The following NR4A3 variants were observed in gnomAD, a reference collection of about 807,000 sequenced individuals.
The protein encoded by NR4A3 is chondrosarcoma, extraskeletal myxoid, fused to EWS.
In NR4A3, 13 loss-of-function variants were observed where a neutral mutation model predicts 55.6. That is an observed-to-expected ratio of 0.23 (90% CI 0.15 to 0.37). The LOEUF (loss-of-function observed/expected upper bound fraction) is 0.37. NR4A3 is among the 10% of genes least tolerant of loss of function. The probability of loss-of-function intolerance (pLI) is 1.00; values close to 1 mark genes in which losing one functional copy is unlikely to be tolerated. For synonymous variants in NR4A3, 342 were observed against 357.9 expected (o/e 0.96, Z 0.50); for missense variants, 646 against 822.8 (o/e 0.79, Z 2.63).
At chr9:99,860,007 G>A (rs1175025260) in intron 7 of NR4A3, among the ~76,000 whole-genome samples, 2 of 152,108 alleles carry the variant, frequency 1.3e-5, no homozygotes, top group Admixed American at 6.5e-5. Context: ...CACAAAGGAC[G>A]AAATCCATCT....
intron 7 of NR4A3, among the ~76,000 whole-genome samples, chr9:99,848,592 G>A (rs369427455): frequency 1.4e-3 from 217 of 152,276 alleles, no homozygotes; most frequent in African/African-American, 4.7e-3. Context: ...TGATCTACCC[G>A]CCTTGGCACC....
Position 99,834,572 on chromosome 9 carries a change from G to A in NR4A3, c.1254+1118G>A, listed in dbSNP as rs559817378. Among the ~76,000 whole-genome samples the A allele has an allele frequency of 2.0e-4, 30 of 152,218 alleles. No individual in the cohort carries two copies. The South Asian group carries it at 2.1e-3, about 11-fold the overall frequency. ...AATACCAGTCCAGAGGCCCCCAGTCGGTTGATCTGTCTTGGTGGCTACTAC... is the reference window on the plus strand; with the variant it reads ...AATACCAGTCCAGAGGCCCCCAGTCAGTTGATCTGTCTTGGTGGCTACTAC... On this transcript the variant is annotated intron_variant, in intron 5 of 7. Transcript: ENST00000395097.
intron 1 of NR4A3, among the ~76,000 whole-genome samples, chr9:99,823,052 T>C (rs1202145944): frequency 6.6e-6 from 1 of 152,212 alleles, no homozygotes; most frequent in East Asian, 1.9e-4. Flanking sequence ...CTGCCTGTCG[T>C]CGCTGACATG....
chr9:99,831,184 T>C (rs1406632540), intron 3 of NR4A3, among the ~76,000 whole-genome samples: 1 of 152,224 alleles, frequency 6.6e-6, no homozygotes, highest in Non-Finnish European at 1.5e-5. Context: ...GGAAAATGTA[T>C]ACCTGAAGCA....
chr9:99,844,533 G>C, intron 5 of NR4A3, 116 bp from the exon 6 acceptor site: 1 of 754,182 alleles, frequency 1.3e-6, no homozygotes, highest in Non-Finnish European at 2.2e-6. Context: ...TTTATAAACT[G>C]TAACACCTAA....
chr9:99,829,916 T>G (rs964567347), intron 3 of NR4A3, among the ~76,000 whole-genome samples: 2 of 152,212 alleles, frequency 1.3e-5, no homozygotes, highest in African/African-American at 4.8e-5. Flanking sequence ...TAACTGCCCA[T>G]GAGATGTTTC....
intron 7 of NR4A3, among the ~76,000 whole-genome samples, chr9:99,857,204 C>G (rs1447595455): frequency 6.6e-6 from 1 of 151,894 alleles, no homozygotes; most frequent in Non-Finnish European, 1.5e-5. Context: ...AATATGATGG[C>G]TCGGGGGGAA....
intron 2 of NR4A3, chr9:99,826,764 C>T: frequency 1.2e-6 from 2 of 1,613,740 alleles, no homozygotes; most frequent in Non-Finnish European, 1.7e-6. Flanking sequence ...AAGATTTCAT[C>T]CCATACATGC....
chr9:99,840,394 T>G (rs1827632194), intron 5 of NR4A3, among the ~76,000 whole-genome samples: 1 of 152,134 alleles, frequency 6.6e-6, no homozygotes, highest in South Asian at 2.1e-4. Flanking sequence ...AGCAGAGAGA[T>G]TGTTGAGTTG....
intron 3 of NR4A3, among the ~76,000 whole-genome samples, chr9:99,829,632 A>G (rs1010810213): frequency 2.0e-5 from 3 of 152,182 alleles, no homozygotes; most frequent in Non-Finnish European, 2.9e-5. Context: ...CCCTTTTCAC[A>G]GCTCTGCAGC....
Position 99,829,003 on chromosome 9 carries a change from C to G in NR4A3, c.951+10C>G. ...CAAGGGCTTTTTCAAGGTGAGCGCA[C>G]GCCGCCCCCTCCCCTCCGCACCCAG... is the stretch of plus-strand genomic sequence containing the variant. On this transcript the variant is annotated intron_variant, in intron 3 of 7. Transcript: ENST00000395097. 7.5e-7 allele frequency: 1 copy of G among 1,334,550 alleles called. No individual in the cohort carries two copies. Among genetic ancestry groups the G allele is most frequent in the Non-Finnish European group, 9.6e-7 (1 of 1,040,676 alleles). 82.7% of individuals were successfully genotyped at this position (1,334,550 alleles called of 1,614,324 possible).
Position 99,828,912 on chromosome 9 carries a change from C to A in NR4A3, c.870C>A (p.Gly290=). ...PPSRSSSSGE[G]TCAVCGDNAA... ...GCAGGAGCTCGTCGTCTGGCGAGGG[C>A]ACGTGTGCCGTGTGCGGGGACAACG... Residue 290 remains glycine (G), a synonymous_variant, in exon 3 of 8, where the codon GGC becomes GGA. Transcript: ENST00000395097. The surrounding 1 kb of genome is among the most constrained non-coding windows in gnomAD (Gnocchi z 7.7). The A allele has an allele frequency of 1.3e-6, 2 of 1,493,192 alleles. No homozygotes were observed. The highest frequency in any genetic ancestry group is 2.1e-5 in the Admixed American group (1 of 47,624). 92.5% of individuals were successfully genotyped at this position (1,493,192 alleles called of 1,614,324 possible).
Position 99,866,596 on chromosome 9 carries a change from A to G in NR4A3, c.*2729A>G. ...CTTAATGTTGCACATAAGTTTATAC[A>G]GAGTGGATGACCACACTAGCACAGA... On this transcript the variant is annotated 3_prime_UTR_variant, in exon 8 of 8. Coordinates refer to ENST00000395097, the MANE Select transcript of NR4A3 (RefSeq NM_006981.4). The G allele has an allele frequency of 4.4e-6, 1 of 228,412 alleles. No individual in the cohort carries two copies. The highest frequency in any genetic ancestry group is 8.7e-6 in the Non-Finnish European group (1 of 114,762). The allele number at this position is 228,412 out of a possible 1,614,324, so 14.1% of individuals were successfully genotyped here. A position where few individuals can be genotyped will look rare whatever the true frequency, so the allele number is the denominator to read the frequency against.
chr9:99,848,116 G>A (rs1827787813), intron 7 of NR4A3, among the ~76,000 whole-genome samples: 1 of 152,174 alleles, frequency 6.6e-6, no homozygotes, highest in Non-Finnish European at 1.5e-5. Context: ...CTGGTTCAGT[G>A]TTCTTGTTAC....
At chr9:99,839,292 A>G (rs1256737889) in intron 5 of NR4A3, among the ~76,000 whole-genome samples, 1 of 152,152 alleles carries the variant, frequency 6.6e-6, no homozygotes, top group Non-Finnish European at 1.5e-5. Context: ...GACTTATACA[A>G]TGATCACATC....
intron 5 of NR4A3, chr9:99,833,732 A>G: frequency 6.8e-7 from 1 of 1,467,732 alleles, no homozygotes. Context: ...GCCAATGAAA[A>G]TCTGCACAGA....
rs142259363 is a variant in NR4A3 at position 99,836,689 on chromosome 9, C to T, written c.1254+3235C>T. ...CTCTTCCCGCTCACTTGTCTGATAA[C>T]AAGTGTTGGCCATACTAGCTGCTGT... On this transcript the variant is annotated intron_variant, in intron 5 of 7. Coordinates refer to ENST00000395097, the MANE Select transcript of NR4A3 (RefSeq NM_006981.4). 2.1e-3 allele frequency among the ~76,000 whole-genome samples: 318 copies of T among 152,330 alleles called. 1 individual carries two copies. The highest frequency in any genetic ancestry group is 7.3e-3 in the African/African-American group (303 of 41,576).
intron 6 of NR4A3, among the ~76,000 whole-genome samples, chr9:99,845,192 C>T (rs1827732736): frequency 6.6e-6 from 1 of 152,206 alleles, no homozygotes; most frequent in Non-Finnish European, 1.5e-5. Context: ...GAAAGATTCT[C>T]ATAGTGCATA....
intron 6 of NR4A3, among the ~76,000 whole-genome samples, chr9:99,846,559 C>G (rs1327301523): frequency 6.6e-6 from 1 of 152,188 alleles, no homozygotes; most frequent in Non-Finnish European, 1.5e-5. Context: ...ATGTTAAAAG[C>G]AGAGAAGGTA....
Sources: gnomAD v4.1 joint callset for allele counts (sites outside exome capture counted in the v4.1 genomes callset) on GRCh38, gnomAD v4.1.1 for gene constraint, Gnocchi (gnomAD v3.1) non-coding constraint, MANE v1.5 for transcripts, NCBI Gene and HGNC (gene_info 2026-07-23, HGNC 2026-07-21) for gene names.